TCF20: variants seen among roughly 807,000 people sequenced by gnomAD.
The protein encoded by TCF20 is transcription factor 20, also known as SPRE-binding protein.
A neutral mutation model predicts 148.6 loss-of-function variants in TCF20; 3 were observed. That is an observed-to-expected ratio of 0.02 (90% CI 0.01 to 0.05). TCF20 has a LOEUF of 0.05. Ranked by LOEUF, TCF20 falls within the 10% of genes least tolerant of loss-of-function variation. The pLI is 1.00. For synonymous variants in TCF20, 1,049 were observed against 909.5 expected (o/e 1.15, Z -2.76); for missense variants, 2,350 against 2,429.3 (o/e 0.97, Z 0.69).
Position 42,209,964 on chromosome 22 carries a change from G to C in TCF20, c.5342C>G (p.Ala1781Gly). The change falls in exon 2 of 6, where the codon GCC becomes GGC. Residue 1781 changes from alanine (A) to glycine (G), a missense_variant. Ala to Gly is a moderately conservative substitution (Grantham distance 60). Around this residue, in one of 7 missense-constraint regions of TCF20, gnomAD observed 374 missense variants for 398.3 expected, o/e 0.94. Transcript: ENST00000677622. ...GCGCCGCTTAAACCTGGGGTGTGCGGCCAGGCTTCTCTGCTCCTTCTGCTG... is the reference window on the plus strand; with the variant it reads ...GCGCCGCTTAAACCTGGGGTGTGCGCCCAGGCTTCTCTGCTCCTTCTGCTG... ...QQQQKEQRSLAAHPRFKRRHR... is the reference protein window; with the variant it reads ...QQQQKEQRSLGAHPRFKRRHR... 1 of 1,613,770 alleles carries C rather than the reference G, an allele frequency of 6.2e-7. No individual in the cohort carries two copies. Among genetic ancestry groups the C allele is most frequent in the Non-Finnish European group, 8.5e-7 (1 of 1,180,036 alleles).
At chr22:42,233,155 G>A (rs141559335) in intron 1 of TCF20, among the ~76,000 whole-genome samples, 1 of 152,096 alleles carries the variant, frequency 6.6e-6, no homozygotes, top group South Asian at 2.1e-4. Flanking sequence ...CTCCTGACCT[G>A]AAGTCATCCA....
intron 1 of TCF20, among the ~76,000 whole-genome samples, chr22:42,333,556 A>G (rs1928014735): frequency 6.6e-6 from 1 of 152,250 alleles, no homozygotes; most frequent in African/African-American, 2.4e-5. Context: ...CAGTTTCGGT[A>G]AGGAACCAGT....
At chr22:42,202,081 A>T (rs1601576297) in intron 2 of TCF20, among the ~76,000 whole-genome samples, 1 of 152,214 alleles carries the variant, frequency 6.6e-6, no homozygotes, top group South Asian at 2.1e-4. Context: ...AAAAGGAGAT[A>T]ATGTTTTTAT....
chr22:42,279,503 G>A lies in TCF20; in HGVS notation c.-37+4324C>T, dbSNP rs892404443. Among the ~76,000 whole-genome samples, 1 of 152,190 alleles carries A rather than the reference G, an allele frequency of 6.6e-6. No individual in the cohort carries two copies. The highest frequency in any genetic ancestry group is 1.9e-4 in the East Asian group (1 of 5,198). On this transcript the variant is annotated intron_variant, in intron 1 of 5. Transcript: ENST00000359486. The surrounding 1 kb of genome is among the most constrained non-coding windows in gnomAD (Gnocchi z 4.3). ...AAATAAAATAAAATAAGGAAGGACA[G>A]AGGGCAATGTGACCTTCGGCAAGCT...
At chr22:42,164,915 G>T (rs539908876) in intron 5 of TCF20, among the ~76,000 whole-genome samples, 5 of 152,346 alleles carry the variant, frequency 3.3e-5, no homozygotes, top group Non-Finnish European at 5.9e-5. Flanking sequence ...GCAGCCAGGG[G>T]CCTGGAGAGT....
Position 42,211,203 on chromosome 22 carries a change from G to T in TCF20, c.4103C>A (p.Ala1368Glu), listed in dbSNP as rs761586727. Residue 1368 changes from alanine to glutamate, a missense_variant, in exon 2 of 6, where the codon GCA (alanine) becomes GAA (glutamate). By Grantham distance (107) the Ala-to-Glu change is moderately radical (BLOSUM62 -1). Transcript: ENST00000677622. ...CCCAGCCTCCGCACTGTTCGAAGAT[G>T]CGCTCCTCCTAATATTTGGGGATGT... ...KITSPNIRRS[A>E]SSNSAEAGGD... The T allele has an allele frequency of 1.2e-6, 2 of 1,614,038 alleles. No homozygotes were observed. The highest frequency in any genetic ancestry group is 2.7e-5 in the African/African-American group (2 of 74,908).
chr22:42,180,367 G>C (rs1028588978), intron 2 of TCF20, among the ~76,000 whole-genome samples: 4 of 152,116 alleles, frequency 2.6e-5, no homozygotes, highest in Non-Finnish European at 5.9e-5. Flanking sequence ...TTTTGTAATT[G>C]AGACACTCCT....
rs1167653247 is a variant in TCF20 at position 42,210,023 on chromosome 22, C to T, written c.5283G>A (p.Lys1761=). ...VRHKSASNGS[K]TDTEEEEEQQ... is the part of the protein sequence containing the mutation. ...GCTCTTCCTCCTCCTCAGTGTCCGT[C>T]TTGGAGCCATTAGAAGCACTTTTGT... Residue 1761 remains lysine, a synonymous_variant, in exon 2 of 6, where the codon AAG becomes AAA. Transcript: ENST00000677622. This position sits in a 1 kb window ranked among gnomAD's most constrained non-coding sequence, Gnocchi z 4.7. 18 of 1,612,796 alleles carry T rather than the reference C, an allele frequency of 1.1e-5. No individual in the cohort carries two copies. The highest frequency in any genetic ancestry group is 1.4e-5 in the Non-Finnish European group (17 of 1,180,046).
intron 3 of TCF20, among the ~76,000 whole-genome samples, chr22:42,177,462 T>C (rs1936519271): frequency 6.6e-6 from 1 of 152,122 alleles, no homozygotes; most frequent in African/African-American, 2.4e-5. Context: ...AACACCCACC[T>C]TGCCGCCAAA....
intron 2 of TCF20, among the ~76,000 whole-genome samples, chr22:42,180,583 C>A (rs984699258): frequency 2.6e-5 from 4 of 152,188 alleles, no homozygotes; most frequent in African/African-American, 9.7e-5. Context: ...CTGGAAGAGA[C>A]AGAAACTTGT....
intron 1 of TCF20, among the ~76,000 whole-genome samples, chr22:42,216,615 A>G (rs1192830996): frequency 6.6e-6 from 1 of 152,216 alleles, no homozygotes; most frequent in Non-Finnish European, 1.5e-5. Flanking sequence ...GAGGTTTCCA[A>G]GAAGTTCCAG....
upstream of TCF20, among the ~76,000 whole-genome samples, chr22:42,287,132 C>T (rs1927046837): frequency 6.6e-6 from 1 of 152,156 alleles, no homozygotes; most frequent in South Asian, 2.1e-4. Flanking sequence ...CAAAAAAGCA[C>T]ATTTCCAAGG....
chr22:42,215,467 ATTTTT>A, intron 1 of TCF20, 126 bp from the exon 2 acceptor site: 2 of 1,012,372 alleles, frequency 2.0e-6, no homozygotes, highest in Non-Finnish European at 2.6e-6. Context: ...TTGAATTTCT[ATTTTT>A]TTTTTTTGGT....
At chr22:42,275,204 G>A (rs1186746340), upstream of TCF20, 1 of 152,300 alleles carries the variant, frequency 6.6e-6, no homozygotes, top group Non-Finnish European at 1.5e-5. Flanking sequence ...AGGACGGCAT[G>A]GGCAGCGCCA....
chr22:42,261,151 T>C (rs1926008281), intron 1 of TCF20, among the ~76,000 whole-genome samples: 1 of 152,242 alleles, frequency 6.6e-6, no homozygotes, highest in African/African-American at 2.4e-5. Flanking sequence ...ATTTGTGAGA[T>C]TAATCCTTAT....
At chr22:42,333,660 G>A (rs1928016920) in intron 1 of TCF20, among the ~76,000 whole-genome samples, 1 of 152,236 alleles carries the variant, frequency 6.6e-6, no homozygotes, top group South Asian at 2.1e-4. Flanking sequence ...ACAAAGTGGA[G>A]AGCAATTCAG....
intron 1 of TCF20, among the ~76,000 whole-genome samples, chr22:42,263,770 TA>T (rs1926142996): frequency 6.6e-6 from 1 of 152,160 alleles, no homozygotes; most frequent in Non-Finnish European, 1.5e-5. Flanking sequence ...AGATTGGAAC[TA>T]CATAGGCTTT....
chr22:42,260,819 T>C (rs1442991784), intron 1 of TCF20, among the ~76,000 whole-genome samples: 3 of 152,198 alleles, frequency 2.0e-5, no homozygotes, highest in African/African-American at 7.2e-5. Context: ...GAACAGAACC[T>C]GCTGAGCAAT....
intron 5 of TCF20, among the ~76,000 whole-genome samples, chr22:42,166,587 C>T (rs1231899904): frequency 7.1e-6 from 1 of 140,344 alleles, no homozygotes; most frequent in Non-Finnish European, 1.5e-5. Context: ...CCAGCCTGGG[C>T]GACAAAGTGA....
Sources: allele counts gnomAD v4.1 joint callset (sites outside exome capture counted in the v4.1 genomes callset), GRCh38; gene constraint gnomAD v4.1.1; regional missense constraint gnomAD v4.1.1; non-coding constraint Gnocchi (gnomAD v3.1); transcripts MANE v1.5; gene names NCBI Gene and HGNC (gene_info 2026-07-23, HGNC 2026-07-21).